Variants in DCBLD2 observed in about 807,000 individuals in gnomAD.
The protein encoded by DCBLD2 is discoidin, CUB and LCCL domain-containing protein 2.
A neutral mutation model predicts 86.8 loss-of-function variants in DCBLD2; 54 were observed. That is an observed-to-expected ratio of 0.62 (90% CI 0.50 to 0.78). The LOEUF is 0.78. DCBLD2 is among the 30% of genes least tolerant of loss of function. The probability of loss-of-function intolerance (pLI) is 0.00; values close to 1 mark genes in which losing one functional copy is unlikely to be tolerated. For synonymous variants in DCBLD2, 354 were observed against 341.3 expected, an observed-to-expected ratio of 1.04 and a Z score of -0.41; for missense variants, 908 against 954.2, an observed-to-expected ratio of 0.95 and a Z score of 0.64.
At chr3:98,804,348 T>C (rs1181722701) in intron 13 of DCBLD2, among the ~76,000 whole-genome samples, 2 of 152,242 alleles carry the variant, frequency 1.3e-5, no homozygotes, top group African/African-American at 2.4e-5. Context: ...GTGTTTGTAG[T>C]ATTCTCTGAT....
intron 4 of DCBLD2, among the ~76,000 whole-genome samples, chr3:98,824,636 C>G (rs1942184875): frequency 6.6e-6 from 1 of 152,058 alleles, no homozygotes; most frequent in Non-Finnish European, 1.5e-5. Flanking sequence ...GCTCTGTGAG[C>G]TCAGAGCACT....
rs1284548330 is a variant in DCBLD2, at chr3:98,808,149, G to T, written c.1602C>A (p.Val534=). The T allele has an allele frequency of 1.2e-6, 2 of 1,604,428 alleles. No homozygotes were observed. The highest frequency in any genetic ancestry group is 2.2e-5 in the South Asian group (2 of 89,248). The change falls in exon 13 of 16, where the codon GTC becomes GTA. Residue 534 remains valine (V), a synonymous_variant. Coordinates refer to ENST00000326840, the MANE Select transcript of DCBLD2 (RefSeq NM_080927.4). ...TKDVALAAVL[V]PVLVMVLTTL... ...TAGTGAGGACCATGACCAGCACAGG[G>T]ACAAGAACTGCAGCCAGCGCTACAT...
chr3:98,842,902 C>A (rs1372061513), intron 3 of DCBLD2, among the ~76,000 whole-genome samples: 1 of 152,122 alleles, frequency 6.6e-6, no homozygotes, highest in Non-Finnish European at 1.5e-5. Context: ...GATAGAGCCA[C>A]TGTACAGCAC....
intron 9 of DCBLD2, 92 bp from the exon 10 acceptor site, chr3:98,812,574 G>C: frequency 8.8e-7 from 1 of 1,140,926 alleles, no homozygotes. Context: ...CTTTGCTCTA[G>C]GCCTTAAATT....
intron 3 of DCBLD2, among the ~76,000 whole-genome samples, chr3:98,847,639 C>T (rs1488361459): frequency 6.6e-6 from 1 of 152,076 alleles, no homozygotes; most frequent in Non-Finnish European, 1.5e-5. Context: ...GCTTGCTTTC[C>T]CCTATAATTC....
chr3:98,893,841 A>G lies in DCBLD2; in HGVS notation c.205+7281T>C, dbSNP rs747763704. Among the ~76,000 whole-genome samples, 135 of 152,314 alleles carry G rather than the reference A, an allele frequency of 8.9e-4. No individual in the cohort carries two copies. The Middle Eastern group carries it at 0.014, about 15-fold the overall frequency. ...CAGTCAGGAGGAAGTCATACTGTGC[A>G]AGGATTAGGAGCAGGGCAGGAGTTC... On this transcript the variant is annotated intron_variant, in intron 1 of 15. Transcript: ENST00000326840.
At chr3:98,859,103 C>T (rs1191897551) in intron 2 of DCBLD2, among the ~76,000 whole-genome samples, 1 of 152,204 alleles carries the variant, frequency 6.6e-6, no homozygotes, top group Non-Finnish European at 1.5e-5. Context: ...TCGGAGGGTC[C>T]TACGCCAACG....
intron 8 of DCBLD2, 58 bp from the exon 9 acceptor site, chr3:98,817,951 C>G: frequency 3.1e-6 from 5 of 1,589,766 alleles, no homozygotes; most frequent in Non-Finnish European, 4.3e-6. Context: ...TAAGTTTGTT[C>G]AGCATCAAAG....
At chr3:98,811,045 C>T (rs1208029277) in intron 12 of DCBLD2, 149 bp downstream of exon 12, 1 of 884,368 alleles carries the variant, frequency 1.1e-6, no homozygotes, top group Non-Finnish European at 1.6e-6. Context: ...GCAGTCTTTT[C>T]CTATGAAAGA....
chr3:98,838,977 A>G (rs1942548863), intron 3 of DCBLD2, among the ~76,000 whole-genome samples: 1 of 150,826 alleles, frequency 6.6e-6, no homozygotes, highest in African/African-American at 2.4e-5. Context: ...GTGAGCCGAG[A>G]TGGCAGCAGT....
rs563029762 is a variant in DCBLD2 at position 98,891,484 on chromosome 3, A to T, written c.205+9638T>A. Among the ~76,000 whole-genome samples, 10 of 152,162 alleles carry T rather than the reference A, an allele frequency of 6.6e-5. No homozygotes were observed. The East Asian group carries it at 1.9e-3, about 29-fold the overall frequency. ...TCTCTAATAGGTTTCCCCACTTTCT[A>T]TCTTTTCTCCCTCTAATCCACTGTC... On this transcript the variant is annotated intron_variant, in intron 1 of 15. Transcript: ENST00000326840.
intron 2 of DCBLD2, among the ~76,000 whole-genome samples, chr3:98,876,348 C>A (rs1042369136): frequency 8.0e-6 from 1 of 125,428 alleles, no homozygotes; most frequent in Non-Finnish European, 1.6e-5. Context: ...ATAGAAAGAC[C>A]TGTCTTTAAA....
At chr3:98,874,411 C>A (rs1371815813) in intron 2 of DCBLD2, among the ~76,000 whole-genome samples, 1 of 152,054 alleles carries the variant, frequency 6.6e-6, no homozygotes, top group Non-Finnish European at 1.5e-5. Context: ...CAACAATGCA[C>A]AGTTATTTCA....
intron 3 of DCBLD2, among the ~76,000 whole-genome samples, chr3:98,848,836 A>C (rs916809851): frequency 6.6e-6 from 1 of 152,172 alleles, no homozygotes; most frequent in Non-Finnish European, 1.5e-5. Context: ...ATAATGTTTT[A>C]AATTGATATA....
intron 1 of DCBLD2, among the ~76,000 whole-genome samples, chr3:98,881,979 C>T (rs1450437836): frequency 6.6e-6 from 1 of 151,974 alleles, no homozygotes; most frequent in Non-Finnish European, 1.5e-5. Context: ...GTGATCAGAT[C>T]AGGGCAATTA....
chr3:98,893,570 T>C (rs1402339696), intron 1 of DCBLD2, among the ~76,000 whole-genome samples: 3 of 152,302 alleles, frequency 2.0e-5, no homozygotes, highest in African/African-American at 7.2e-5. Flanking sequence ...ATATCTGCTG[T>C]GTGCCAGTCA....
At chr3:98,852,308 G>A (rs536810494) in intron 2 of DCBLD2, among the ~76,000 whole-genome samples, 7 of 150,724 alleles carry the variant, frequency 4.6e-5, no homozygotes, top group South Asian at 2.1e-4. Flanking sequence ...GTACAGTGGC[G>A]TGATCTTGGC....
At chr3:98,851,868 GGCCA>G (rs1376972320) in intron 2 of DCBLD2, among the ~76,000 whole-genome samples, 2 of 152,200 alleles carry the variant, frequency 1.3e-5, no homozygotes, top group Admixed American at 6.5e-5. Flanking sequence ...TGGGAAAACT[GGCCA>G]GCTAGCCATA....
At chr3:98,822,532 A>G (rs891639547) in intron 5 of DCBLD2, 137 bp downstream of exon 5, 13 of 1,235,926 alleles carry the variant, frequency 1.1e-5, no homozygotes, top group African/African-American at 3.1e-5. Context: ...AAGAAAAAGA[A>G]TAAAACACAT....
Sources: gnomAD v4.1 joint callset for allele counts (sites outside exome capture counted in the v4.1 genomes callset) on GRCh38, gnomAD v4.1.1 for gene constraint, MANE v1.5 for transcripts, NCBI Gene and HGNC (gene_info 2026-07-23, HGNC 2026-07-21) for gene names.